Variants in CHN2 observed in about 807,000 individuals in gnomAD.
The protein encoded by CHN2 is chimerin 2, also known as beta-chimaerin.
CHN2 carries 35 observed loss-of-function variants against 56.3 expected under a neutral mutation model. That is an observed-to-expected ratio of 0.62 (90% CI 0.47 to 0.82). The LOEUF (loss-of-function observed/expected upper bound fraction) is 0.82. Ranked by LOEUF, CHN2 falls within the 40% of genes least tolerant of loss-of-function variation. The probability of loss-of-function intolerance (pLI) is 0.00; values close to 1 mark genes in which losing one functional copy is unlikely to be tolerated. For missense variants in CHN2, 491 were observed against 580.5 expected, an observed-to-expected ratio of 0.85 and a Z score of 1.58; for synonymous variants, 210 against 212.8, an observed-to-expected ratio of 0.99 and a Z score of 0.12.
intron 2 of CHN2, among the ~76,000 whole-genome samples, chr7:29,171,079 C>T (rs1004937394): frequency 1.3e-5 from 2 of 152,126 alleles, no homozygotes; most frequent in Admixed American, 6.5e-5. Flanking sequence ...TATTAAAAAA[C>T]GACTTTATGA....
chr7:29,173,187 G>C (rs1796839755), intron 2 of CHN2, among the ~76,000 whole-genome samples: 1 of 150,694 alleles, frequency 6.6e-6, no homozygotes, highest in Non-Finnish European at 1.5e-5. Flanking sequence ...TTTTAAAAAT[G>C]CACACCTAAG....
chr7:29,336,162 C>T (rs1195990489), intron 1 of CHN2: 1 of 152,186 alleles, frequency 6.6e-6, no homozygotes, highest in East Asian at 1.9e-4. Flanking sequence ...TTGTGGCCCT[C>T]TCATTGCCCT....
At chr7:29,406,525 A>C (rs577274722) in intron 6 of CHN2, among the ~76,000 whole-genome samples, 2 of 151,984 alleles carry the variant, frequency 1.3e-5, no homozygotes, top group African/African-American at 4.8e-5. Context: ...GTCCTTTTCT[A>C]CTATTGAATA....
At chr7:29,186,553 T>G (rs1308109341) in intron 2 of CHN2, 1 of 146,376 alleles carries the variant, frequency 6.8e-6, no homozygotes, top group African/African-American at 2.5e-5. Context: ...GCAGCCTGCG[T>G]GACAGAGATG....
chr7:29,432,724 C>A (rs191315299), intron 6 of CHN2, among the ~76,000 whole-genome samples: 1 of 152,132 alleles, frequency 6.6e-6, no homozygotes, highest in South Asian at 2.1e-4. Flanking sequence ...TTATAATGAT[C>A]CCTGGATTAT....
intron 6 of CHN2, chr7:29,479,703 T>G: frequency 9.5e-7 from 1 of 1,054,082 alleles, no homozygotes; most frequent in East Asian, 7.4e-5. Context: ...CTGGGGGGTG[T>G]GTGCGCTGGT....
At chr7:29,390,267 C>T (rs148901034) in intron 3 of CHN2, among the ~76,000 whole-genome samples, 111 of 152,226 alleles carry the variant, frequency 7.3e-4, no homozygotes, top group African/African-American at 2.3e-3. Context: ...CCGTGTAACA[C>T]GACTACATAT....
chr7:29,168,288 T>C (rs1796168505), intron 2 of CHN2, among the ~76,000 whole-genome samples: 1 of 152,234 alleles, frequency 6.6e-6, no homozygotes, highest in African/African-American at 2.4e-5. Flanking sequence ...AGAAGTTCTT[T>C]AGACATTTTG....
intron 1 of CHN2, among the ~76,000 whole-genome samples, chr7:29,351,089 C>T (rs1458781938): frequency 3.2e-5 from 4 of 123,236 alleles, no homozygotes; most frequent in African/African-American, 1.3e-4. Context: ...GCGTGGGCAA[C>T]GGAGCAAGAC....
rs148314091 is a variant in CHN2, at chr7:29,187,071, G to T, written c.274+40111G>T. ...AGCATGATCCTGGCACATAGGAAATGATTACTTAAGGAGAGTGACTTTTCT... is the reference window on the plus strand; with the variant it reads ...AGCATGATCCTGGCACATAGGAAATTATTACTTAAGGAGAGTGACTTTTCT... On this transcript the variant is annotated intron_variant, in intron 2 of 6. Coordinates refer to the CHN2 transcript ENST00000439384. 7.7e-3 allele frequency among the ~76,000 whole-genome samples: 1,173 copies of T among 152,234 alleles called. 19 individuals are homozygous for T. Among genetic ancestry groups the T allele is most frequent in the African/African-American group, 0.027 (1,130 of 41,518 alleles).
chr7:29,183,225 C>T (rs567209819), intron 2 of CHN2, among the ~76,000 whole-genome samples: 1 of 152,064 alleles, frequency 6.6e-6, no homozygotes, highest in East Asian at 1.9e-4. Context: ...GCTGGGGTTA[C>T]AGGCATATGC....
At chr7:29,319,052 A>G (rs1234326420) in intron 1 of CHN2, among the ~76,000 whole-genome samples, 1 of 152,198 alleles carries the variant, frequency 6.6e-6, no homozygotes, top group Non-Finnish European at 1.5e-5. Context: ...CCTCAGACAC[A>G]GGGCAGAGGC....
intron 1 of CHN2, among the ~76,000 whole-genome samples, chr7:29,272,840 T>C (rs965814324): frequency 6.6e-6 from 1 of 152,142 alleles, no homozygotes; most frequent in Non-Finnish European, 1.5e-5. Context: ...CATGATATTA[T>C]AGGATATATA....
intron 1 of CHN2, among the ~76,000 whole-genome samples, chr7:29,313,193 C>T (rs1794715586): frequency 6.6e-6 from 1 of 152,182 alleles, no homozygotes; most frequent in South Asian, 2.1e-4. Context: ...CATGACCCGC[C>T]CAATGCCAAA....
intron 8 of CHN2, among the ~76,000 whole-genome samples, chr7:29,497,382 A>C (rs550385702): frequency 7.2e-5 from 11 of 152,228 alleles, no homozygotes; most frequent in Non-Finnish European, 1.6e-4. Context: ...AAATTGGTCC[A>C]AAGTCAATAT....
intron 2 of CHN2, among the ~76,000 whole-genome samples, chr7:29,153,856 C>T (rs1426799304): frequency 6.6e-6 from 1 of 152,214 alleles, no homozygotes; most frequent in African/African-American, 2.4e-5. Context: ...AGGCATGAGC[C>T]ACCGCACCTG....
chr7:29,345,705 A>G (rs948219414), intron 1 of CHN2, among the ~76,000 whole-genome samples: 8 of 152,046 alleles, frequency 5.3e-5, no homozygotes, highest in Non-Finnish European at 1.2e-4. Context: ...GGCTCGTTGC[A>G]TTTATCCAAT....
intron 1 of CHN2, among the ~76,000 whole-genome samples, chr7:29,336,896 C>T (rs61342508): frequency 0.044 from 6,658 of 152,124 alleles, 480 homozygotes; most frequent in African/African-American, 0.15. Flanking sequence ...CTGGCAAACT[C>T]CTACTCATCC....
At chr7:29,372,576 T>A (rs1037398839) in intron 3 of CHN2, among the ~76,000 whole-genome samples, 4 of 152,108 alleles carry the variant, frequency 2.6e-5, no homozygotes, top group Admixed American at 1.3e-4. Flanking sequence ...CAGTGGGGAA[T>A]CAGTAAATAA....
Sources: allele counts gnomAD v4.1 joint callset (sites outside exome capture counted in the v4.1 genomes callset), GRCh38; gene constraint gnomAD v4.1.1; transcripts MANE v1.5; gene names NCBI Gene and HGNC (gene_info 2026-07-23, HGNC 2026-07-21).